PKP4: variants seen among roughly 807,000 people sequenced by gnomAD.
PKP4 encodes plakophilin 4.
Under a neutral mutation model 145.1 loss-of-function variants are expected in PKP4, and 90 were observed. The ratio of observed to expected loss-of-function variants is 0.62; its 90% CI spans 0.52 to 0.74. The LOEUF (loss-of-function observed/expected upper bound fraction) is 0.74. PKP4 is among the 30% of genes least tolerant of loss of function. The pLI, the probability that PKP4 is intolerant of heterozygous loss-of-function variation, is 0.00. For missense variants in PKP4, 1,340 were observed against 1,482.7 expected, an observed-to-expected ratio of 0.90 and a Z score of 1.58; for synonymous variants, 563 against 577.2, an observed-to-expected ratio of 0.98 and a Z score of 0.35.
At chr2:158,673,800 T>C in intron 18 of PKP4, 39 bp downstream of exon 18, 2 of 1,475,686 alleles carry the variant, frequency 1.4e-6, no homozygotes, top group Non-Finnish European at 1.9e-6. Flanking sequence ...TTAGCATTCA[T>C]CAGAGCACAC....
rs533770058 is a variant in PKP4 at position 158,480,626 on chromosome 2, A to C, written c.-6+23408A>C. Reference sequence around the variant, plus strand: ...CAGCATTTCTTTAAGAGGAATAAAAACCACACCCGAGATATTTAATGAAAA... The same window carrying C: ...CAGCATTTCTTTAAGAGGAATAAAACCCACACCCGAGATATTTAATGAAAA... On this transcript the variant is annotated intron_variant, in intron 1 of 21. Coordinates refer to ENST00000389759, the MANE Select transcript of PKP4 (RefSeq NM_003628.6). Among the ~76,000 whole-genome samples the C allele has an allele frequency of 1.2e-4, 18 of 152,084 alleles. No individual in the cohort carries two copies. The East Asian group carries it at 3.3e-3, about 28-fold the overall frequency.
rs1164423772 is a variant in PKP4 at position 158,505,986 on chromosome 2, T to C, written c.-5-27194T>C. Among the ~76,000 whole-genome samples, 7 of 152,284 alleles carry C rather than the reference T, an allele frequency of 4.6e-5. No individual in the cohort carries two copies. The East Asian group carries it at 1.4e-3, about 29-fold the overall frequency. On this transcript the variant is annotated intron_variant, in intron 1 of 21. Coordinates refer to ENST00000389759, the MANE Select transcript of PKP4 (RefSeq NM_003628.6). Reference sequence around the variant, plus strand: ...CTGTTTTGAAACCTTAAGTAAAAGATTTGTAAAATAATAAGCCTGAACTTT... The same window carrying C: ...CTGTTTTGAAACCTTAAGTAAAAGACTTGTAAAATAATAAGCCTGAACTTT...
At chr2:158,618,786 A>C (rs1052098149) in intron 4 of PKP4, among the ~76,000 whole-genome samples, 4 of 151,938 alleles carry the variant, frequency 2.6e-5, no homozygotes, top group Non-Finnish European at 1.5e-5. Flanking sequence ...TGGGCAGCTT[A>C]CATAAAATTC....
At chr2:158,522,633 A>T (rs373581738) in intron 1 of PKP4, among the ~76,000 whole-genome samples, 2 of 152,204 alleles carry the variant, frequency 1.3e-5, no homozygotes, top group African/African-American at 4.8e-5. Context: ...AGGAGCCAAG[A>T]TGGCCGAATA....
Position 158,680,869 on chromosome 2 carries a change from CTATT to C in PKP4, c.*195_*198del, listed in dbSNP as rs1436434581. The C allele has an allele frequency of 1.2e-5, 7 of 563,150 alleles. No individual in the cohort carries two copies. Among genetic ancestry groups the C allele is most frequent in the African/African-American group, 3.8e-5 (2 of 53,136 alleles). The allele number at this position is 563,150 out of a possible 1,614,324, so 34.9% of individuals were successfully genotyped here. ...TGTTTGGGAGAGGACTTTCTAAGCT[CTATT>C]TAGGTGTTAGATCTAATTACTTATA... On this transcript the variant is annotated 3_prime_UTR_variant, in exon 22 of 22. Coordinates refer to ENST00000389759, the MANE Select transcript of PKP4 (RefSeq NM_003628.6).
intron 2 of PKP4, among the ~76,000 whole-genome samples, chr2:158,545,015 G>C (rs2044857551): frequency 6.8e-6 from 1 of 146,128 alleles, no homozygotes; most frequent in Non-Finnish European, 1.5e-5. Flanking sequence ...CAGAGATCCA[G>C]CACTTGTATT....
intron 2 of PKP4, among the ~76,000 whole-genome samples, chr2:158,554,881 G>A (rs1041492759): frequency 6.6e-6 from 1 of 152,132 alleles, no homozygotes; most frequent in African/African-American, 2.4e-5. Flanking sequence ...TAGAAGAAAG[G>A]TACAAAGATG....
At chr2:158,558,877 G>A (rs770678418) in intron 2 of PKP4, among the ~76,000 whole-genome samples, 33 of 152,162 alleles carry the variant, frequency 2.2e-4, no homozygotes, top group Non-Finnish European at 4.3e-4. Context: ...ATGAGTAAGG[G>A]AGGATCAGGG....
chr2:158,598,055 G>A (rs1053425351), intron 3 of PKP4, among the ~76,000 whole-genome samples: 1 of 152,042 alleles, frequency 6.6e-6, no homozygotes, highest in Non-Finnish European at 1.5e-5. Context: ...CAAACATCTG[G>A]GCTAAGCAAT....
chr2:158,678,097 C>G (rs1205364287), intron 20 of PKP4, among the ~76,000 whole-genome samples: 1 of 152,164 alleles, frequency 6.6e-6, no homozygotes. Context: ...CATTGTTGCT[C>G]CTTCCTTGAC....
At chr2:158,636,795 G>A (rs1044315622) in intron 9 of PKP4, among the ~76,000 whole-genome samples, 2 of 151,932 alleles carry the variant, frequency 1.3e-5, no homozygotes, top group African/African-American at 2.4e-5. Context: ...CTATTGTGAA[G>A]CCCTTGCAAA....
chr2:158,512,806 C>T (rs2041627444), intron 1 of PKP4, among the ~76,000 whole-genome samples: 2 of 152,236 alleles, frequency 1.3e-5, no homozygotes, highest in South Asian at 2.1e-4. Flanking sequence ...CTCAGTTTTA[C>T]AGTTCTCAGA....
At chr2:158,642,935 C>G (rs924961854) in intron 11 of PKP4, among the ~76,000 whole-genome samples, 1 of 152,166 alleles carries the variant, frequency 6.6e-6, no homozygotes, top group African/African-American at 2.4e-5. Context: ...TAAATATCAG[C>G]TAACAGATGT....
At chr2:158,603,391 C>CA (rs1195202165) in intron 4 of PKP4, among the ~76,000 whole-genome samples, 2 of 152,036 alleles carry the variant, frequency 1.3e-5, no homozygotes, top group East Asian at 1.9e-4. Flanking sequence ...GGGCTGACTT[C>CA]AAAAAAAGTT....
intron 4 of PKP4, among the ~76,000 whole-genome samples, chr2:158,612,341 A>G (rs550044168): frequency 1.3e-5 from 2 of 152,292 alleles, no homozygotes; most frequent in Admixed American, 1.3e-4. Context: ...ATAAAGCCCT[A>G]TTTCTTTTTA....
intron 1 of PKP4, among the ~76,000 whole-genome samples, chr2:158,496,617 T>C (rs1217326690): frequency 6.6e-6 from 1 of 152,222 alleles, no homozygotes; most frequent in East Asian, 1.9e-4. Flanking sequence ...TCTTGTCTTT[T>C]GTCTCTCCAG....
At chr2:158,609,889 A>G (rs1274255401) in intron 4 of PKP4, among the ~76,000 whole-genome samples, 1 of 152,212 alleles carries the variant, frequency 6.6e-6, no homozygotes, top group Non-Finnish European at 1.5e-5. Context: ...ATTTGAAAAC[A>G]AAAAGCCCAA....
At chr2:158,636,620 CT>C (rs2105922589) in intron 9 of PKP4, among the ~76,000 whole-genome samples, 2 of 152,188 alleles carry the variant, frequency 1.3e-5, no homozygotes, top group Admixed American at 1.3e-4. Context: ...CCCAAACTCT[CT>C]TTTCTCCTTC....
chr2:158,499,592 T>C (rs1696254505), intron 1 of PKP4, among the ~76,000 whole-genome samples: 1 of 152,166 alleles, frequency 6.6e-6, no homozygotes, highest in South Asian at 2.1e-4. Context: ...TCCACTGGCC[T>C]GGAGGAACAC....
Sources: gnomAD v4.1 joint callset for allele counts (sites outside exome capture counted in the v4.1 genomes callset) on GRCh38, gnomAD v4.1.1 for gene constraint, MANE v1.5 for transcripts, NCBI Gene and HGNC (gene_info 2026-07-23, HGNC 2026-07-21) for gene names.